GALNT13: variants seen among roughly 807,000 people sequenced by gnomAD.
The protein encoded by GALNT13 is UDP-GalNAc:polypeptide N-acetylgalactosaminyltransferase 13.
A neutral mutation model predicts 64.2 loss-of-function variants in GALNT13; 28 were observed. The ratio of observed to expected loss-of-function variants is 0.44; its 90% CI spans 0.32 to 0.60. The LOEUF (loss-of-function observed/expected upper bound fraction) is 0.60, where lower values mean the gene tolerates loss of function less well. GALNT13 is among the 20% of genes least tolerant of loss of function. GALNT13 has a pLI of 0.05. For missense variants in GALNT13, 577 were observed against 669.8 expected (o/e 0.86, Z 1.53); for synonymous variants, 214 against 224.6 (o/e 0.95, Z 0.42).
chr2:153,642,709 G>A, the GALNT13 span, among the ~76,000 whole-genome samples: 1 of 151,724 alleles, frequency 6.6e-6, no homozygotes, highest in Non-Finnish European at 1.5e-5. Context: ...CAATTATTGA[G>A]CAACAAAATA....
At chr2:153,528,172 C>G in the GALNT13 span, among the ~76,000 whole-genome samples, 1 of 151,782 alleles carries the variant, frequency 6.6e-6, no homozygotes, top group Non-Finnish European at 1.5e-5. Flanking sequence ...GATCTGTTCT[C>G]TACAAGAAAC....
the GALNT13 span, among the ~76,000 whole-genome samples, chr2:153,527,650 T>C: frequency 2.6e-5 from 4 of 152,140 alleles, no homozygotes. Context: ...GTAACTGTGG[T>C]GTGTAAACTA....
At chr2:153,955,713 C>A (rs1297622099) in intron 3 of GALNT13, among the ~76,000 whole-genome samples, 1 of 152,128 alleles carries the variant, frequency 6.6e-6, no homozygotes, top group East Asian at 1.9e-4. Context: ...GGAAAGAATT[C>A]AAGGGCAAGC....
chr2:153,599,336 C>T, the GALNT13 span, among the ~76,000 whole-genome samples: 1 of 152,054 alleles, frequency 6.6e-6, no homozygotes, highest in Non-Finnish European at 1.5e-5. Flanking sequence ...GGTCTTATTT[C>T]TTCTATCTAA....
the GALNT13 span, among the ~76,000 whole-genome samples, chr2:153,798,400 C>T: frequency 4.6e-5 from 7 of 152,098 alleles, no homozygotes; most frequent in Admixed American, 3.9e-4. Context: ...GAATTGAATA[C>T]TTTCTGAGTT....
Position 154,140,521 on chromosome 2 carries a change from T to G in GALNT13, c.311+16T>G. On this transcript the variant is annotated intron_variant, in intron 4 of 12. Transcript: ENST00000392825. Reference sequence around the variant, plus strand: ...GATTAGAAGGGTAAGTTTGCATTTGTTATATAATCTTTTATATTCATAATC... The same window carrying G: ...GATTAGAAGGGTAAGTTTGCATTTGGTATATAATCTTTTATATTCATAATC... The G allele has an allele frequency of 6.5e-7, 1 of 1,548,592 alleles. No homozygotes were observed. Among genetic ancestry groups the G allele is most frequent in the Non-Finnish European group, 8.9e-7 (1 of 1,128,058 alleles).
At chr2:153,558,693 A>G in the GALNT13 span, among the ~76,000 whole-genome samples, 1 of 152,164 alleles carries the variant, frequency 6.6e-6, no homozygotes, top group South Asian at 2.1e-4. Flanking sequence ...AAAGGGGAAA[A>G]TAATTCTACA....
At chr2:153,267,902 G>A in the GALNT13 span, among the ~76,000 whole-genome samples, 1 of 152,100 alleles carries the variant, frequency 6.6e-6, no homozygotes, top group African/African-American at 2.4e-5. Context: ...CCTCTCACTA[G>A]AACAGCATGT....
At chr2:154,031,957 T>G (rs979671516) in intron 3 of GALNT13, among the ~76,000 whole-genome samples, 2 of 151,892 alleles carry the variant, frequency 1.3e-5, no homozygotes, top group African/African-American at 4.8e-5. Flanking sequence ...TAAGCAACAA[T>G]GCAGCTAAAG....
intron 9 of GALNT13, among the ~76,000 whole-genome samples, chr2:154,387,443 G>C (rs980617928): frequency 6.6e-6 from 1 of 152,038 alleles, no homozygotes; most frequent in African/African-American, 2.4e-5. Context: ...ATTATTTTTA[G>C]TGATAATGTC....
At chr2:153,291,689 T>A in the GALNT13 span, among the ~76,000 whole-genome samples, 1 of 148,080 alleles carries the variant, frequency 6.8e-6, no homozygotes, top group South Asian at 2.1e-4. Flanking sequence ...GAATAAAAAC[T>A]ATGTCTGTTG....
At chr2:153,863,257 C>T in the GALNT13 span, among the ~76,000 whole-genome samples, 1 of 152,028 alleles carries the variant, frequency 6.6e-6, no homozygotes, top group South Asian at 2.1e-4. Flanking sequence ...TGATGAAAAT[C>T]CAATATGATT....
chr2:153,676,085 T>TAAGTTCTCTACAACTAGTAGA, the GALNT13 span, among the ~76,000 whole-genome samples: 1 of 151,980 alleles, frequency 6.6e-6, no homozygotes, highest in Admixed American at 6.6e-5. Context: ...ATTAGTTTTT[T>TAAGTTCTCTACAACTAGTAGA]GAAAGATCAA....
chr2:153,931,135 A>T (rs1690489673), intron 2 of GALNT13, among the ~76,000 whole-genome samples: 1 of 148,592 alleles, frequency 6.7e-6, no homozygotes, highest in Non-Finnish European at 1.5e-5. Flanking sequence ...TCTTTGATTT[A>T]GATCTCAGCT....
intron 2 of GALNT13, among the ~76,000 whole-genome samples, chr2:153,934,254 AT>A (rs1355708122): frequency 6.6e-6 from 1 of 152,182 alleles, no homozygotes; most frequent in Non-Finnish European, 1.5e-5. Context: ...TGTAGCAAAA[AT>A]TCAAGCTTGC....
the GALNT13 span, among the ~76,000 whole-genome samples, chr2:153,193,651 A>AT: frequency 4.0e-3 from 431 of 107,172 alleles, 3 homozygotes; most frequent in African/African-American, 0.015. Flanking sequence ...TTTCATTTTA[A>AT]TAAAAAAAAA....
the GALNT13 span, among the ~76,000 whole-genome samples, chr2:153,116,367 A>G: frequency 6.6e-6 from 1 of 152,200 alleles, no homozygotes; most frequent in Admixed American, 6.5e-5. Context: ...CATATAATGT[A>G]TATTTAATGA....
At chr2:153,533,836 G>A in the GALNT13 span, among the ~76,000 whole-genome samples, 1 of 146,448 alleles carries the variant, frequency 6.8e-6, no homozygotes, top group Non-Finnish European at 1.5e-5. Flanking sequence ...GCCCATTTCT[G>A]TTATTGTGTT....
the GALNT13 span, among the ~76,000 whole-genome samples, chr2:153,488,301 CTG>C: frequency 6.6e-6 from 1 of 152,328 alleles, no homozygotes; most frequent in East Asian, 1.9e-4. Context: ...TTGTTGTAGT[CTG>C]TGTCTGCATT....
Sources: gnomAD v4.1 joint callset for allele counts (sites outside exome capture counted in the v4.1 genomes callset) on GRCh38, gnomAD v4.1.1 for gene constraint, MANE v1.5 for transcripts, NCBI Gene and HGNC (gene_info 2026-07-23, HGNC 2026-07-21) for gene names.